NAV3: variants seen among roughly 807,000 people sequenced by gnomAD.
NAV3 encodes the protein neuron navigator 3.
Under a neutral mutation model 244.7 loss-of-function variants are expected in NAV3, and 87 were observed. The ratio of observed to expected loss-of-function variants is 0.36; its 90% CI spans 0.30 to 0.42. The LOEUF is 0.42. NAV3 is among the 20% of genes least tolerant of loss of function. NAV3 has a pLI of 1.00. For synonymous variants in NAV3, 1,126 were observed against 1,042.2 expected (o/e 1.08, Z -1.55); for missense variants, 2,663 against 2,893.3 (o/e 0.92, Z 1.83).
intron 2 of NAV3, among the ~76,000 whole-genome samples, chr12:77,577,514 C>A (rs1869148202): frequency 6.6e-6 from 1 of 152,030 alleles, no homozygotes; most frequent in Admixed American, 6.5e-5. Context: ...ATGGTTCCAC[C>A]ATTTTGTTCT....
intron 2 of NAV3, among the ~76,000 whole-genome samples, chr12:77,576,485 C>T (rs1416000183): frequency 6.6e-6 from 1 of 152,120 alleles, no homozygotes; most frequent in Non-Finnish European, 1.5e-5. Flanking sequence ...CTGGAAACAT[C>T]ACCCACTTAC....
At chr12:77,960,798 C>A (rs1464443313) in intron 3 of NAV3, among the ~76,000 whole-genome samples, 1 of 145,918 alleles carries the variant, frequency 6.9e-6, no homozygotes. Context: ...ATATACAATA[C>A]ATATATGTAA....
intron 8 of NAV3, among the ~76,000 whole-genome samples, chr12:78,010,657 A>G (rs985363530): frequency 3.3e-5 from 5 of 152,132 alleles, no homozygotes; most frequent in Admixed American, 6.6e-5. Context: ...GAAAATGCCA[A>G]TAGTACACTT....
At chr12:78,075,897 G>A (rs1398170210) in intron 12 of NAV3, among the ~76,000 whole-genome samples, 1 of 152,174 alleles carries the variant, frequency 6.6e-6, no homozygotes, top group Non-Finnish European at 1.5e-5. Context: ...TTCAAATCCA[G>A]TGGGAGAGAA....
intron 22 of NAV3, among the ~76,000 whole-genome samples, chr12:78,150,628 T>TA (rs1565726259): frequency 3.1e-5 from 3 of 96,142 alleles, no homozygotes; most frequent in Non-Finnish European, 6.7e-5. Flanking sequence ...TGCAAAAGCT[T>TA]CCTCACACAC....
intron 39 of NAV3, 125 bp from the exon 40 acceptor site, chr12:78,210,273 A>G: frequency 6.9e-7 from 1 of 1,444,490 alleles, no homozygotes; most frequent in South Asian, 1.4e-5. Flanking sequence ...AAAATCTAAA[A>G]TTATTTTCCC....
chr12:77,702,595 T>G (rs537812731), intron 2 of NAV3, among the ~76,000 whole-genome samples: 1 of 152,126 alleles, frequency 6.6e-6, no homozygotes, highest in Admixed American at 6.6e-5. Flanking sequence ...CTTTTTGTTT[T>G]TTGCTCTAGG....
intron 2 of NAV3, among the ~76,000 whole-genome samples, chr12:77,588,166 GA>G (rs974860175): frequency 6.9e-6 from 1 of 145,692 alleles, no homozygotes; most frequent in Non-Finnish European, 1.5e-5. Context: ...CACCTAGGCT[GA>G]AGTGCAGTGG....
intron 2 of NAV3, among the ~76,000 whole-genome samples, chr12:77,644,040 C>G (rs1872524720): frequency 6.6e-6 from 1 of 152,020 alleles, no homozygotes; most frequent in Non-Finnish European, 1.5e-5. Context: ...CATGTGTAGA[C>G]ATATGCATAC....
At chr12:77,903,782 TCAAA>T (rs1208050448) in intron 1 of NAV3, among the ~76,000 whole-genome samples, 1 of 151,896 alleles carries the variant, frequency 6.6e-6, no homozygotes, top group Non-Finnish European at 1.5e-5. Context: ...TACAATAAAC[TCAAA>T]CAAATTTACA....
intron 3 of NAV3, among the ~76,000 whole-genome samples, chr12:77,953,277 A>G (rs192127891): frequency 2.6e-4 from 40 of 152,278 alleles, no homozygotes; most frequent in Middle Eastern, 3.4e-3. Flanking sequence ...AGCTAGTCAC[A>G]GACACACACA....
Position 78,188,597 on chromosome 12 carries a change from G to A in NAV3, c.5887-12G>A, listed in dbSNP as rs1958832414. 2 of 1,606,496 alleles carry A rather than the reference G, an allele frequency of 1.2e-6. No homozygotes were observed. The highest frequency in any genetic ancestry group is 1.7e-5 in the Admixed American group (1 of 59,282). Reference sequence around the variant, plus strand: ...TCTGTTTTGATTTTATTTTTTGTGTGTACCATTGTAGGAATATGTATTCCG... The same window carrying A: ...TCTGTTTTGATTTTATTTTTTGTGTATACCATTGTAGGAATATGTATTCCG... On this transcript the variant is annotated splice_polypyrimidine_tract_variant and intron_variant, in intron 32 of 39. Coordinates refer to ENST00000397909, the MANE Select transcript of NAV3 (RefSeq NM_001024383.2).
At chr12:77,832,281 T>C (rs1463771067) in intron 1 of NAV3, among the ~76,000 whole-genome samples, 1 of 152,222 alleles carries the variant, frequency 6.6e-6, no homozygotes, top group Admixed American at 6.5e-5. Flanking sequence ...TTTTACTTAT[T>C]ACTGACATCT....
At chr12:77,658,770 A>G (rs1018230675) in intron 2 of NAV3, among the ~76,000 whole-genome samples, 2 of 151,886 alleles carry the variant, frequency 1.3e-5, no homozygotes, top group African/African-American at 4.8e-5. Flanking sequence ...GATATAGATC[A>G]ATGGAACAGA....
At chr12:77,897,097 T>A (rs1884711501) in intron 1 of NAV3, among the ~76,000 whole-genome samples, 1 of 152,160 alleles carries the variant, frequency 6.6e-6, no homozygotes, top group Non-Finnish European at 1.5e-5. Context: ...AGCCCACACA[T>A]GATTTGTAGT....
At chr12:78,203,574 C>G (rs1487774428) in intron 38 of NAV3, among the ~76,000 whole-genome samples, 1 of 152,082 alleles carries the variant, frequency 6.6e-6, no homozygotes. Flanking sequence ...AAAGAAAACT[C>G]CAAGGCAGTC....
intron 3 of NAV3, among the ~76,000 whole-genome samples, chr12:77,963,392 A>T (rs1446177256): frequency 1.3e-5 from 2 of 152,168 alleles, no homozygotes; most frequent in Admixed American, 1.3e-4. Context: ...ATTTAACAAG[A>T]TATCTTAAAA....
chr12:77,678,653 G>C (rs2137105669), intron 2 of NAV3, among the ~76,000 whole-genome samples: 1 of 152,206 alleles, frequency 6.6e-6, no homozygotes, highest in South Asian at 2.1e-4. Context: ...CTCAATTGTA[G>C]GAAGGCTGTT....
intron 2 of NAV3, among the ~76,000 whole-genome samples, chr12:77,684,283 T>TA (rs1874611953): frequency 6.6e-6 from 1 of 151,376 alleles, no homozygotes; most frequent in South Asian, 2.1e-4. Context: ...TTATTATTAT[T>TA]TATTGTTGTT....
Sources: allele counts gnomAD v4.1 joint callset (sites outside exome capture counted in the v4.1 genomes callset), GRCh38; gene constraint gnomAD v4.1.1; transcripts MANE v1.5; gene names NCBI Gene and HGNC (gene_info 2026-07-23, HGNC 2026-07-21).